ABCC3: variants seen among roughly 807,000 people sequenced by gnomAD.
ABCC3 encodes ATP-binding cassette sub-family C member 3.
A neutral mutation model predicts 165.3 loss-of-function variants in ABCC3; 121 were observed. That is an observed-to-expected ratio of 0.73 (90% CI 0.63 to 0.85). The LOEUF (loss-of-function observed/expected upper bound fraction) is 0.85. Among genes scored for constraint, ABCC3 ranks in the 40% least tolerant of loss-of-function variants. ABCC3 has a pLI of 0.00. For missense variants in ABCC3, 1,869 were observed against 1,964.1 expected (o/e 0.95, Z 0.92); for synonymous variants, 733 against 810.1 (o/e 0.90, Z 1.62).
At chr17:50,667,509 G>A in intron 11 of ABCC3, 45 bp from the exon 12 acceptor site, 2 of 1,554,704 alleles carry the variant, frequency 1.3e-6, no homozygotes, top group Non-Finnish European at 1.8e-6. Context: ...CAGGAGGTCA[G>A]GGGAGGGAGC....
chr17:50,644,918 T>G (rs2146591881), intron 1 of ABCC3, among the ~76,000 whole-genome samples: 1 of 152,154 alleles, frequency 6.6e-6, no homozygotes, highest in Admixed American at 6.5e-5. Flanking sequence ...ATCAGGAGGC[T>G]GAGGCAGGAG....
At chr17:50,690,615 AGCAGCAGCAGCAGCAGCAGCAGCC>A (rs1445948842) in intron 30 of ABCC3, among the ~76,000 whole-genome samples, 1 of 151,728 alleles carries the variant, frequency 6.6e-6, no homozygotes, top group African/African-American at 2.4e-5. Flanking sequence ...AGACCCACCG[AGCAGCAGCAGCAGCAGCAGCAGCC>A]GCAGCAGCCG....
chr17:50,636,207 T>G (rs4148405), intron 1 of ABCC3, among the ~76,000 whole-genome samples: 35,102 of 152,114 alleles, frequency 0.23, 5,316 homozygotes, highest in African/African-American at 0.43. Flanking sequence ...TATATGCCCT[T>G]TGTGTGTGTA....
At position 50,663,717 on chromosome 17, in the gene ABCC3, C is replaced by A; in HGVS notation, c.1035C>A (p.Pro345=). The A allele has an allele frequency of 6.2e-7, 1 of 1,614,228 alleles. No individual in the cohort carries two copies. Among genetic ancestry groups the A allele is most frequent in the South Asian group, 1.1e-5 (1 of 91,090 alleles). The change falls in exon 9 of 31, where the codon CCC becomes CCA. Residue 345 remains proline, a synonymous_variant. Coordinates refer to ENST00000285238, the MANE Select transcript of ABCC3 (RefSeq NM_003786.4). ...LIRFISNPMA[P]SWWGFLVAGL... ...GGTTTATCTCCAACCCCATGGCCCC[C>A]TCCTGGTGGGGCTTCCTGGTGGCTG...
chr17:50,679,522 A>C (rs1391209757), intron 25 of ABCC3: 2 of 241,386 alleles, frequency 8.3e-6, no homozygotes, highest in Non-Finnish European at 1.6e-5. Flanking sequence ...GCATTTTAAC[A>C]AGATTCTCTG....
intron 19 of ABCC3, among the ~76,000 whole-genome samples, chr17:50,673,981 T>TTTCTTTCCTTCCTTCCTTCCTTC (rs1567835559): frequency 6.0e-4 from 2 of 3,320 alleles, no homozygotes; most frequent in African/African-American, 1.4e-3. Context: ...TCTTTCTTTC[T>TTTCTTTCCTTCCTTCCTTCCTTC]CTCTCTCTCT....
In ABCC3 at chr17:50,656,732, T is replaced by G; in HGVS notation, c.253T>G (p.Trp85Gly). 6.2e-7 allele frequency: 1 copy of G among 1,613,922 alleles called. No individual in the cohort carries two copies. The highest frequency in any genetic ancestry group is 8.5e-7 in the Non-Finnish European group (1 of 1,179,926). ...GGGTGTCCTGCTGTGGTGCGTCTCCTGGGCGGACCTTTTTTACTCCTTCCA... is the reference window on the plus strand; with the variant it reads ...GGGTGTCCTGCTGTGGTGCGTCTCCGGGGCGGACCTTTTTTACTCCTTCCA... The part of the protein sequence containing the change: ...VLGVLLWCVS[W>G]ADLFYSFHGL... Residue 85 changes from tryptophan to glycine, a missense_variant, in exon 3 of 31, where the codon TGG becomes GGG. Physicochemically the swap from Trp to Gly is radical, Grantham distance 184. Transcript: ENST00000285238.
chr17:50,649,771 T>C (rs1967078849), intron 1 of ABCC3, among the ~76,000 whole-genome samples: 1 of 149,376 alleles, frequency 6.7e-6, no homozygotes, highest in Non-Finnish European at 1.5e-5. Context: ...AGGAAGGAAA[T>C]AGGCAACACA....
intron 30 of ABCC3, among the ~76,000 whole-genome samples, chr17:50,688,248 CTG>C (rs1567840348): frequency 2.6e-5 from 4 of 152,196 alleles, no homozygotes; most frequent in African/African-American, 9.6e-5. Context: ...GAAGGGCACA[CTG>C]GGCTCCACAG....
At position 50,635,273 on chromosome 17, in the gene ABCC3, C is replaced by A. The variant is rs868274278; in HGVS notation, c.45+292C>A. The A allele has an allele frequency of 9.2e-5, 58 of 628,104 alleles. No homozygotes were observed. The African/African-American group carries it at 1.0e-3, about 11-fold the overall frequency. The allele number at this position is 628,104 out of a possible 1,614,324, so 38.9% of individuals were successfully genotyped here. A position where few individuals can be genotyped will look rare whatever the true frequency, so the allele number is the denominator to read the frequency against. On this transcript the variant is annotated intron_variant, in intron 1 of 30. Coordinates refer to ENST00000285238, the MANE Select transcript of ABCC3 (RefSeq NM_003786.4). ...GCGGCTGGGGCGCAAAGGCACAGTGCGTGGCTGGGTGAGTCGGCTCCATCC... is the reference window on the plus strand; with the variant it reads ...GCGGCTGGGGCGCAAAGGCACAGTGAGTGGCTGGGTGAGTCGGCTCCATCC...
intron 6 of ABCC3, 121 bp downstream of exon 6, chr17:50,658,617 C>A: frequency 9.3e-7 from 1 of 1,079,400 alleles, no homozygotes; most frequent in Non-Finnish European, 1.4e-6. Context: ...CCCCCCACCG[C>A]AGTGGGCACA....
chr17:50,687,605 C>T lies in ABCC3; in HGVS notation c.4350C>T (p.Asp1450=), dbSNP rs199974925. The part of the protein sequence containing the change: ...LLRKSRILVL[D]EATAAIDLET... ...GCAAGAGCCGCATCCTGGTTTTAGA[C>T]GAGGCCACAGCTGCCATCGACCTGG... The change falls in exon 30 of 31, where the codon GAC becomes GAT. Residue 1450 remains aspartate, a synonymous_variant. Transcript: ENST00000285238. 232 of 1,614,228 alleles carry T rather than the reference C, an allele frequency of 1.4e-4. No homozygotes were observed. In the East Asian group the frequency reaches 4.1e-3, roughly 29 times the overall value.
chr17:50,676,638 G>C (rs781764391), intron 23 of ABCC3, 50 bp downstream of exon 23: 3 of 599,566 alleles, frequency 5.0e-6, no homozygotes, highest in African/African-American at 3.9e-5. Context: ...TTGGGGCGGG[G>C]CAACACATGG....
chr17:50,679,905 T>A lies in ABCC3; in HGVS notation c.3807+6T>A. The stretch of plus-strand genomic sequence containing the variant: ...ACTCCAAGACAGAGACAGAGGTGGG[T>A]ACTGGCATGAGCCCGGGACAGGGGG... On this transcript the variant is annotated splice_donor_region_variant and intron_variant, in intron 26 of 30. Coordinates refer to ENST00000285238, the MANE Select transcript of ABCC3 (RefSeq NM_003786.4). 1 of 1,611,292 alleles carries A rather than the reference T, an allele frequency of 6.2e-7. No homozygotes were observed. The highest frequency in any genetic ancestry group is 2.2e-5 in the East Asian group (1 of 44,866).
rs1298179994 is a variant in ABCC3 at position 50,653,344 on chromosome 17, CA to C, written c.46-2469del. Among the ~76,000 whole-genome samples, 362 of 47,762 alleles carry C rather than the reference CA, an allele frequency of 7.6e-3. 1 individual carries two copies. The highest frequency in any genetic ancestry group is 0.019 in the Middle Eastern group (2 of 104). 31.3% of individuals were successfully genotyped at this position (47,762 alleles called of 152,430 possible). A position where few individuals can be genotyped will look rare whatever the true frequency, so the allele number is the denominator to read the frequency against. On this transcript the variant is annotated intron_variant, in intron 1 of 30. Coordinates refer to ENST00000285238, the MANE Select transcript of ABCC3 (RefSeq NM_003786.4). ...GTGGGGGCCAAGAGCGAGACTGTCT[CA>C]AAAAAAAAAAAAAAAAAAGAAAAAG...
At chr17:50,638,613 C>T (rs936298329) in intron 1 of ABCC3, among the ~76,000 whole-genome samples, 1 of 152,242 alleles carries the variant, frequency 6.6e-6, no homozygotes, top group African/African-American at 2.4e-5. Flanking sequence ...TCTCTCCCTG[C>T]TCTACATACG....
At chr17:50,658,050 T>A in intron 4 of ABCC3, 32 bp from the exon 5 acceptor site, 1 of 1,613,640 alleles carries the variant, frequency 6.2e-7, no homozygotes. Flanking sequence ...GCTTTTCCAG[T>A]GCTTCTGACG....
intron 26 of ABCC3, among the ~76,000 whole-genome samples, chr17:50,682,539 C>T (rs1326005882): frequency 6.6e-6 from 1 of 152,018 alleles, no homozygotes; most frequent in African/African-American, 2.4e-5. Flanking sequence ...CACCTAGAGC[C>T]ATTTATGCCT....
At chr17:50,683,891 G>A in intron 27 of ABCC3, 58 bp from the exon 28 acceptor site, 1 of 1,589,600 alleles carries the variant, frequency 6.3e-7, no homozygotes, top group Non-Finnish European at 8.6e-7. Context: ...GAGAGTCCTG[G>A]AGATGCGCCT....
Sources: gnomAD v4.1 joint callset for allele counts (sites outside exome capture counted in the v4.1 genomes callset) on GRCh38, gnomAD v4.1.1 for gene constraint, MANE v1.5 for transcripts, NCBI Gene and HGNC (gene_info 2026-07-23, HGNC 2026-07-21) for gene names.